POU6F2: variants seen among roughly 807,000 people sequenced by gnomAD.
POU6F2 encodes POU class 6 homeobox 2.
A neutral mutation model predicts 71.3 loss-of-function variants in POU6F2; 31 were observed. That is an observed-to-expected ratio of 0.43 (90% confidence interval 0.33 to 0.59). The LOEUF (loss-of-function observed/expected upper bound fraction) is 0.59, where lower values mean the gene tolerates loss of function less well. POU6F2 is among the 20% of genes least tolerant of loss of function. The pLI is 0.04. For missense variants in POU6F2, 783 were observed against 856.8 expected, an observed-to-expected ratio of 0.91 and a Z score of 1.07; for synonymous variants, 347 against 355.7, an observed-to-expected ratio of 0.98 and a Z score of 0.27.
intron 2 of POU6F2, chr7:39,132,388 C>A (rs758956187): frequency 6.6e-6 from 1 of 152,136 alleles, no homozygotes; most frequent in Non-Finnish European, 1.5e-5. Flanking sequence ...GCCATACTCT[C>A]GTTCAAGGCT....
At chr7:39,097,437 T>C (rs1237368104) in intron 2 of POU6F2, among the ~76,000 whole-genome samples, 1 of 152,246 alleles carries the variant, frequency 6.6e-6, no homozygotes, top group Non-Finnish European at 1.5e-5. Flanking sequence ...AACTCTCTGT[T>C]GTCTCCACTT....
rs1583568517 is a variant in POU6F2 at position 39,390,260 on chromosome 7, G to T, written c.973-16340G>T. Among the ~76,000 whole-genome samples, 2 of 152,170 alleles carry T rather than the reference G, an allele frequency of 1.3e-5. 1 individual carries two copies. Among genetic ancestry groups the T allele is most frequent in the South Asian group, 4.1e-4 (2 of 4,832 alleles). ...AAAATACCAAAATTAGCTGGGCATG[G>T]TGGTGTGTGCCCATAGTCCCAGCTA... On this transcript the variant is annotated intron_variant, in intron 5 of 9. Transcript: ENST00000518318.
chr7:39,028,881 T>C (rs1396744229), intron 1 of POU6F2, among the ~76,000 whole-genome samples: 1 of 152,116 alleles, frequency 6.6e-6, no homozygotes, highest in Non-Finnish European at 1.5e-5. Context: ...TCACAATTCA[T>C]TGCAGCCTCA....
intron 4 of POU6F2, among the ~76,000 whole-genome samples, chr7:39,260,069 A>G (rs1411405325): frequency 3.3e-5 from 5 of 151,598 alleles, no homozygotes. Flanking sequence ...ATCCATACAC[A>G]TACGATACAC....
rs533050167 is a variant in POU6F2 at position 39,421,864 on chromosome 7, A to C, written c.1114-11213A>C. On this transcript the variant is annotated intron_variant, in intron 6 of 9. Coordinates refer to ENST00000518318, the MANE Select transcript of POU6F2 (RefSeq NM_001370959.1). ...CAGGTGTTCTCCCAAGCAATAAATAACTTTAATCTGATTTAGTCACTTAAT... is the reference window on the plus strand; with the variant it reads ...CAGGTGTTCTCCCAAGCAATAAATACCTTTAATCTGATTTAGTCACTTAAT... Among the ~76,000 whole-genome samples, 63 of 152,340 alleles carry C rather than the reference A, an allele frequency of 4.1e-4. No homozygotes were observed. The South Asian group carries it at 9.9e-3, about 24-fold the overall frequency.
Position 39,460,724 on chromosome 7 carries a change from C to T in POU6F2, c.1658+9C>T, listed in dbSNP as rs777551655. 5 of 1,578,498 alleles carry T rather than the reference C, an allele frequency of 3.2e-6. No homozygotes were observed. Among genetic ancestry groups the T allele is most frequent in the East Asian group, 4.6e-5 (2 of 43,696 alleles). On this transcript the variant is annotated intron_variant, in intron 9 of 9. Transcript: ENST00000518318. The surrounding 1 kb of genome is among the most constrained non-coding windows in gnomAD (Gnocchi z 4.4). ...CAGTCGGCCATCTGCAGGTAACGCG[C>T]GCCTGCATGCTGTCACCTCTTCTAG...
chr7:39,241,135 C>T (rs1308407544), intron 4 of POU6F2, among the ~76,000 whole-genome samples: 2 of 152,090 alleles, frequency 1.3e-5, no homozygotes. Context: ...AGGTCGCATG[C>T]GTACTCTTAA....
chr7:38,995,160 A>G (rs1240671025), intron 1 of POU6F2, among the ~76,000 whole-genome samples: 1 of 152,250 alleles, frequency 6.6e-6, no homozygotes, highest in Non-Finnish European at 1.5e-5. Flanking sequence ...AAAGGGATCA[A>G]AAGTACTAAG....
At chr7:38,978,807 G>T (rs1788242412) in intron 1 of POU6F2, among the ~76,000 whole-genome samples, 1 of 152,172 alleles carries the variant, frequency 6.6e-6, no homozygotes, top group Non-Finnish European at 1.5e-5. Context: ...GGCCTCACAA[G>T]CTGATTTTTA....
intron 1 of POU6F2, among the ~76,000 whole-genome samples, chr7:39,025,799 A>G: frequency 6.6e-6 from 1 of 151,404 alleles, no homozygotes; most frequent in East Asian, 1.9e-4. Flanking sequence ...AACTACCATC[A>G]GAGTGAACAG....
chr7:39,424,376 A>G (rs971306338), intron 6 of POU6F2, among the ~76,000 whole-genome samples: 6 of 152,264 alleles, frequency 3.9e-5, no homozygotes, highest in Admixed American at 3.3e-4. Context: ...TATTCAGAGC[A>G]GTAGAAAGAA....
intron 1 of POU6F2, among the ~76,000 whole-genome samples, chr7:39,062,421 C>A (rs762628016): frequency 1.3e-5 from 2 of 151,534 alleles, no homozygotes; most frequent in South Asian, 4.2e-4. Flanking sequence ...TACCTTCCAC[C>A]CACTTCTTAC....
intron 1 of POU6F2, among the ~76,000 whole-genome samples, chr7:39,046,455 A>G (rs1033190364): frequency 6.6e-6 from 1 of 151,884 alleles, no homozygotes; most frequent in Non-Finnish European, 1.5e-5. Flanking sequence ...CATCTTAATA[A>G]TCTTTTTTAA....
intron 2 of POU6F2, among the ~76,000 whole-genome samples, chr7:39,167,876 T>C (rs1156649015): frequency 6.6e-6 from 1 of 152,016 alleles, no homozygotes; most frequent in East Asian, 1.9e-4. Context: ...CAGTCACATA[T>C]GTTATACTTA....
intron 1 of POU6F2, among the ~76,000 whole-genome samples, chr7:39,077,457 T>C (rs1791024496): frequency 1.3e-5 from 2 of 152,242 alleles, no homozygotes; most frequent in South Asian, 2.1e-4. Flanking sequence ...CAGGTTTGCA[T>C]TGATGAGCGG....
chr7:39,346,378 G>A (rs372442031), intron 5 of POU6F2, among the ~76,000 whole-genome samples: 6 of 152,198 alleles, frequency 3.9e-5, no homozygotes, highest in African/African-American at 1.2e-4. Context: ...GTCAAGTAGC[G>A]ATAGATGATG....
At chr7:39,074,484 CA>C (rs554248472) in intron 1 of POU6F2, among the ~76,000 whole-genome samples, 34 of 145,230 alleles carry the variant, frequency 2.3e-4, no homozygotes, top group East Asian at 8.1e-4. Flanking sequence ...GTCCCCCCCT[CA>C]AAAAAAAAAA....
intron 2 of POU6F2, among the ~76,000 whole-genome samples, chr7:39,175,337 T>G (rs1793305667): frequency 6.6e-6 from 1 of 152,170 alleles, no homozygotes; most frequent in African/African-American, 2.4e-5. Context: ...CAAAATTTCG[T>G]GCATCAGTAT....
At position 39,467,218 on chromosome 7, in the gene POU6F2, A is replaced by T. The variant is rs974415563; in HGVS notation, c.*2532A>T. ...TTGTATTGTTTTATAAATTATTTATAAGGTGTTGTAATGCTTCTTATATTA... is the reference window on the plus strand; with the variant it reads ...TTGTATTGTTTTATAAATTATTTATTAGGTGTTGTAATGCTTCTTATATTA... On this transcript the variant is annotated 3_prime_UTR_variant, in exon 10 of 10. Coordinates refer to ENST00000518318, the MANE Select transcript of POU6F2 (RefSeq NM_001370959.1). 2.0e-5 allele frequency: 3 copies of T among 152,228 alleles called. No individual in the cohort carries two copies. The highest frequency in any genetic ancestry group is 7.2e-5 in the African/African-American group (3 of 41,468). The allele number at this position is 152,228 out of a possible 1,614,324, so 9.4% of individuals were successfully genotyped here. A position where few individuals can be genotyped will look rare whatever the true frequency, so the allele number is the denominator to read the frequency against.
Sources: allele counts gnomAD v4.1 joint callset (sites outside exome capture counted in the v4.1 genomes callset), GRCh38; gene constraint gnomAD v4.1.1; non-coding constraint Gnocchi (gnomAD v3.1); transcripts MANE v1.5; gene names NCBI Gene and HGNC (gene_info 2026-07-23, HGNC 2026-07-21).